MAPRE2: variants seen among roughly 807,000 people sequenced by gnomAD.
MAPRE2 encodes the protein microtubule-associated protein RP/EB family member 2.
Under a neutral mutation model 43.2 loss-of-function variants are expected in MAPRE2, and 13 were observed. That is an observed-to-expected ratio of 0.30 (90% CI 0.20 to 0.48). MAPRE2 has a LOEUF of 0.48. MAPRE2 is among the 20% of genes least tolerant of loss of function. MAPRE2 has a pLI of 0.99. For missense variants in MAPRE2, 161 were observed against 400.2 expected (o/e 0.40, Z 5.10); for synonymous variants, 135 against 148.8 (o/e 0.91, Z 0.68).
chr18:35,014,759 T>A (rs2097037080), intron 2 of MAPRE2, among the ~76,000 whole-genome samples: 1 of 151,960 alleles, frequency 6.6e-6, no homozygotes, highest in Non-Finnish European at 1.5e-5. Context: ...TGGTGTTACA[T>A]CCCCCCTCAC....
chr18:35,016,842 A>C (rs2097038582), intron 2 of MAPRE2, among the ~76,000 whole-genome samples: 1 of 151,918 alleles, frequency 6.6e-6, no homozygotes. Flanking sequence ...TTTTTGTTGC[A>C]TTTGACTTTA....
chr18:35,078,662 T>A (rs1040372611), intron 2 of MAPRE2, among the ~76,000 whole-genome samples: 8 of 152,324 alleles, frequency 5.3e-5, no homozygotes, highest in Middle Eastern at 3.4e-3. Context: ...GTTCACTGTG[T>A]GTTTGCCCAT....
At chr18:35,065,750 C>T (rs769728484) in intron 1 of MAPRE2, among the ~76,000 whole-genome samples, 14 of 152,086 alleles carry the variant, frequency 9.2e-5, no homozygotes, top group African/African-American at 2.9e-4. Context: ...GACAGGATTT[C>T]GCCATGTTGG....
At chr18:35,130,336 T>TACA (rs1910091920) in intron 5 of MAPRE2, among the ~76,000 whole-genome samples, 1 of 152,226 alleles carries the variant, frequency 6.6e-6, no homozygotes, top group Non-Finnish European at 1.5e-5. Flanking sequence ...TTGTACATCT[T>TACA]ACAAATGTGC....
chr18:35,132,599 G>A (rs1910207298), intron 6 of MAPRE2, among the ~76,000 whole-genome samples: 1 of 152,174 alleles, frequency 6.6e-6, no homozygotes, highest in South Asian at 2.1e-4. Flanking sequence ...CCCCATAATT[G>A]ACTGTTTTTA....
chr18:35,039,565 C>G (rs1004802008), upstream of MAPRE2, among the ~76,000 whole-genome samples: 2 of 152,118 alleles, frequency 1.3e-5, no homozygotes, highest in Admixed American at 1.3e-4. Context: ...AATAATAGCC[C>G]AAGAGGAAAG....
intron 6 of MAPRE2, among the ~76,000 whole-genome samples, chr18:35,138,800 C>A (rs7235907): frequency 0.063 from 9,619 of 152,168 alleles, 382 homozygotes; most frequent in African/African-American, 0.097. Flanking sequence ...CCCACACGGC[C>A]TGTAAATAAC....
chr18:34,999,158 C>T (rs1471965574), intron 1 of MAPRE2, among the ~76,000 whole-genome samples: 1 of 152,154 alleles, frequency 6.6e-6, no homozygotes, highest in African/African-American at 2.4e-5. Flanking sequence ...TGCATTCTCC[C>T]ACATTTCATT....
intron 2 of MAPRE2, among the ~76,000 whole-genome samples, chr18:35,079,738 G>A (rs1044947858): frequency 6.6e-6 from 1 of 152,224 alleles, no homozygotes; most frequent in Admixed American, 6.5e-5. Context: ...TTAGATTTCT[G>A]TATCCAGTAT....
chr18:34,982,108 C>T (rs139666602), intron 1 of MAPRE2, among the ~76,000 whole-genome samples: 2,505 of 152,082 alleles, frequency 0.016, 79 homozygotes, highest in African/African-American at 0.055. Context: ...TGATCTCGAT[C>T]TCCTGACCTC....
intron 1 of MAPRE2, among the ~76,000 whole-genome samples, chr18:35,001,883 A>C (rs2097029555): frequency 6.6e-6 from 1 of 152,220 alleles, no homozygotes; most frequent in South Asian, 2.1e-4. Context: ...ATATATTTTG[A>C]GATGATTGTA....
rs552925993 is a variant in MAPRE2 at position 35,063,309 on chromosome 18, G to A, written c.123-6886G>A. On this transcript the variant is annotated intron_variant, in intron 1 of 6. Transcript: ENST00000300249. ...TTTTTAGTAGAGATGGGGTTTCACC[G>A]TGTTAGCCAGGATGGTCTTGATCTC... 4.1e-3 allele frequency among the ~76,000 whole-genome samples: 626 copies of A among 151,900 alleles called. 1 individual carries two copies. The highest frequency in any genetic ancestry group is 0.014 in the African/African-American group (578 of 41,462).
At position 35,055,343 on chromosome 18, in the gene MAPRE2, T is replaced by C. The variant is rs551291531; in HGVS notation, c.122+13682T>C. ...AGCTTCATCACGCCCATCTCTGCCT[T>C]TCATTATCACCTGGCCTTCTTCATC... On this transcript the variant is annotated intron_variant, in intron 1 of 6. Transcript: ENST00000300249. Among the ~76,000 whole-genome samples the C allele has an allele frequency of 5.9e-5, 9 of 152,304 alleles. No individual in the cohort carries two copies. The South Asian group carries it at 1.9e-3, about 32-fold the overall frequency.
rs538867531 is a variant in MAPRE2, at chr18:35,048,326, A to G, written c.122+6665A>G. The stretch of plus-strand genomic sequence containing the variant: ...ACACCTCCTACCAGGCCCCACCTCC[A>G]ACACTGGGGATTTTAATTCAACACA... On this transcript the variant is annotated intron_variant, in intron 1 of 6. Transcript: ENST00000300249. Among the ~76,000 whole-genome samples, 6 of 152,254 alleles carry G rather than the reference A, an allele frequency of 3.9e-5. No homozygotes were observed. The South Asian group carries it at 8.3e-4, about 21-fold the overall frequency.
At chr18:35,012,100 T>G (rs966645146) in intron 2 of MAPRE2, among the ~76,000 whole-genome samples, 4 of 152,102 alleles carry the variant, frequency 2.6e-5, no homozygotes, top group Admixed American at 2.6e-4. Flanking sequence ...GTGTCTGGCA[T>G]GAGTAAGTGG....
At chr18:35,082,900 A>G (rs1907709550) in intron 2 of MAPRE2, among the ~76,000 whole-genome samples, 1 of 152,058 alleles carries the variant, frequency 6.6e-6, no homozygotes, top group Non-Finnish European at 1.5e-5. Context: ...TTTAGCACTT[A>G]TAGTTGTTTT....
chr18:35,062,497 CTT>C (rs1266473825), intron 1 of MAPRE2, among the ~76,000 whole-genome samples: 6 of 152,218 alleles, frequency 3.9e-5, no homozygotes. Flanking sequence ...ATGCACCTCA[CTT>C]TACCTGCTAT....
chr18:34,989,497 G>T lies in MAPRE2; in HGVS notation c.-70+12418G>T, dbSNP rs752723527. Among the ~76,000 whole-genome samples, 10 of 152,196 alleles carry T rather than the reference G, an allele frequency of 6.6e-5. No individual in the cohort carries two copies. The South Asian group carries it at 8.3e-4, about 13-fold the overall frequency. On this transcript the variant is annotated intron_variant, in intron 1 of 7. Transcript: ENST00000413393. Reference sequence around the variant, plus strand: ...GGCTCAGGCAAGAGGATTTATTGAGGTTAGAAGTTCAAGACCAGCCTGGGC... The same window carrying T: ...GGCTCAGGCAAGAGGATTTATTGAGTTTAGAAGTTCAAGACCAGCCTGGGC...
intron 1 of MAPRE2, among the ~76,000 whole-genome samples, chr18:35,049,770 C>T (rs1252593227): frequency 3.9e-5 from 6 of 152,140 alleles, no homozygotes; most frequent in Non-Finnish European, 2.9e-5. Context: ...GCAAAATTAT[C>T]ACTCCTATAA....
Sources: allele counts gnomAD v4.1 joint callset (sites outside exome capture counted in the v4.1 genomes callset), GRCh38; gene constraint gnomAD v4.1.1; transcripts MANE v1.5; gene names NCBI Gene and HGNC (gene_info 2026-07-23, HGNC 2026-07-21).